The following LRP1B variants were observed in gnomAD, a reference collection of about 807,000 sequenced individuals.
LRP1B encodes the protein LDL receptor related protein 1B, also known as low-density lipoprotein receptor-related protein 1B.
A neutral mutation model predicts 556.6 loss-of-function variants in LRP1B; 217 were observed. The observed-to-expected ratio is 0.39, with a 90% CI of 0.35 to 0.44. The LOEUF (loss-of-function observed/expected upper bound fraction) is 0.44. Among genes scored for constraint, LRP1B ranks in the 20% least tolerant of loss-of-function variants. The pLI is 1.00. For missense variants in LRP1B, 5,053 were observed against 5,620.8 expected, an observed-to-expected ratio of 0.90 and a Z score of 3.23; for synonymous variants, 2,047 against 1,865.8, an observed-to-expected ratio of 1.10 and a Z score of -2.50.
chr2:140,672,838 C>G (rs894108297), intron 41 of LRP1B, among the ~76,000 whole-genome samples: 1 of 152,104 alleles, frequency 6.6e-6, no homozygotes, highest in African/African-American at 2.4e-5. Context: ...AAACAAGAGG[C>G]CCCTACACAG....
At chr2:140,340,888 T>C (rs926180514) in intron 77 of LRP1B, among the ~76,000 whole-genome samples, 1 of 151,540 alleles carries the variant, frequency 6.6e-6, no homozygotes, top group African/African-American at 2.4e-5. Flanking sequence ...CCTAACCTAT[T>C]TCAATCATCT....
intron 86 of LRP1B, among the ~76,000 whole-genome samples, chr2:140,247,365 A>G (rs1238140861): frequency 6.6e-6 from 1 of 151,552 alleles, no homozygotes; most frequent in African/African-American, 2.4e-5. Context: ...TTGTTAAAAT[A>G]CTTTTTAAAA....
At chr2:141,188,321 A>G in intron 7 of LRP1B, 100 bp downstream of exon 7, 2 of 1,140,122 alleles carry the variant, frequency 1.8e-6, no homozygotes, top group East Asian at 2.5e-5. Context: ...AAAAAGTTTG[A>G]GTCTGTAGTC....
At chr2:140,426,660 C>T (rs1186871878) in intron 66 of LRP1B, among the ~76,000 whole-genome samples, 1 of 152,162 alleles carries the variant, frequency 6.6e-6, no homozygotes, top group East Asian at 1.9e-4. Flanking sequence ...CCTTTACCTA[C>T]CCAAATCTTA....
chr2:140,254,381 A>G (rs765839345), intron 86 of LRP1B, among the ~76,000 whole-genome samples: 17 of 152,150 alleles, frequency 1.1e-4, no homozygotes, highest in African/African-American at 2.4e-4. Flanking sequence ...TTCAGTTCCA[A>G]TGCTCATGTG....
intron 35 of LRP1B, among the ~76,000 whole-genome samples, chr2:140,748,813 GTATATAATATATATCATATAT>G (rs1559094758): frequency 1.2e-4 from 11 of 90,248 alleles, no homozygotes; most frequent in African/African-American, 5.2e-4. Flanking sequence ...TTATATACAT[GTATATAATATATATCATATAT>G]TATATACATG....
intron 18 of LRP1B, among the ~76,000 whole-genome samples, chr2:140,966,940 C>T (rs1030829481): frequency 5.3e-5 from 8 of 152,146 alleles, no homozygotes; most frequent in African/African-American, 1.9e-4. Context: ...GTTTTGGTTA[C>T]TGTAGACTTG....
intron 1 of LRP1B, among the ~76,000 whole-genome samples, chr2:141,894,963 G>A (rs995776117): frequency 1.3e-4 from 19 of 147,810 alleles, no homozygotes; most frequent in African/African-American, 2.5e-4. Flanking sequence ...CAAGAGAATC[G>A]CCTGAACCCA....
chr2:141,544,710 G>T (rs867294091), intron 2 of LRP1B, among the ~76,000 whole-genome samples: 10 of 151,852 alleles, frequency 6.6e-5, no homozygotes, highest in Non-Finnish European at 2.9e-5. Flanking sequence ...TTGTCACTGA[G>T]GCTGGAGTGC....
intron 1 of LRP1B, among the ~76,000 whole-genome samples, chr2:141,899,481 G>T (rs1191492967): frequency 6.6e-6 from 1 of 152,120 alleles, no homozygotes; most frequent in Non-Finnish European, 1.5e-5. Flanking sequence ...ATAAATGAGA[G>T]CAGAGCATGC....
chr2:141,716,189 A>G (rs1692577958), intron 2 of LRP1B, among the ~76,000 whole-genome samples: 1 of 152,190 alleles, frequency 6.6e-6, no homozygotes, highest in Non-Finnish European at 1.5e-5. Context: ...AACACTTCTA[A>G]CATCACTCTG....
intron 35 of LRP1B, among the ~76,000 whole-genome samples, chr2:140,762,386 C>G (rs1688957214): frequency 1.3e-5 from 2 of 152,216 alleles, no homozygotes; most frequent in East Asian, 3.9e-4. Flanking sequence ...TCAAAAGATT[C>G]TTTTGATAAA....
intron 84 of LRP1B, among the ~76,000 whole-genome samples, chr2:140,282,685 A>C (rs1295053030): frequency 6.6e-6 from 1 of 151,814 alleles, no homozygotes; most frequent in Non-Finnish European, 1.5e-5. Flanking sequence ...CACAGCCTAT[A>C]ATCTCAAAGC....
At chr2:141,884,495 T>C (rs1046861986) in intron 1 of LRP1B, among the ~76,000 whole-genome samples, 1 of 152,220 alleles carries the variant, frequency 6.6e-6, no homozygotes, top group Non-Finnish European at 1.5e-5. Context: ...ACGAAATATG[T>C]GCTACAGTGA....
intron 84 of LRP1B, among the ~76,000 whole-genome samples, chr2:140,276,969 G>A (rs903900064): frequency 2.0e-5 from 3 of 151,918 alleles, no homozygotes; most frequent in African/African-American, 7.2e-5. Context: ...AGTTGGCAAA[G>A]AGACTACATT....
chr2:140,800,308 A>T (rs1348520545), intron 32 of LRP1B, among the ~76,000 whole-genome samples: 3 of 152,110 alleles, frequency 2.0e-5, no homozygotes, highest in African/African-American at 7.2e-5. Context: ...AATGACGAGT[A>T]AATGGGTACA....
chr2:141,525,225 G>A (rs1684657183), intron 2 of LRP1B, among the ~76,000 whole-genome samples: 1 of 152,022 alleles, frequency 6.6e-6, no homozygotes, highest in Admixed American at 6.6e-5. Context: ...AGAAAGATAT[G>A]GAAGTCTTCC....
chr2:140,273,333 T>G (rs139527324), intron 85 of LRP1B, among the ~76,000 whole-genome samples: 1 of 10,398 alleles, frequency 9.6e-5, no homozygotes, highest in South Asian at 8.9e-3. Context: ...GAAACATGAT[T>G]TGGACGCATG....
intron 31 of LRP1B, among the ~76,000 whole-genome samples, chr2:140,832,394 C>A (rs1029198615): frequency 6.6e-6 from 1 of 152,130 alleles, no homozygotes; most frequent in Non-Finnish European, 1.5e-5. Flanking sequence ...TACGATCCAG[C>A]AATCTCACTG....
Sources: gnomAD v4.1 joint callset for allele counts (sites outside exome capture counted in the v4.1 genomes callset) on GRCh38, gnomAD v4.1.1 for gene constraint, MANE v1.5 for transcripts, NCBI Gene and HGNC (gene_info 2026-07-23, HGNC 2026-07-21) for gene names.